TPRG1: variants seen among roughly 807,000 people sequenced by gnomAD.
TPRG1 encodes the protein tumor protein p63 regulated 1.
A neutral mutation model predicts 29.3 loss-of-function variants in TPRG1; 29 were observed. The ratio of observed to expected loss-of-function variants is 0.99; its 90% CI spans 0.74 to 1.35. The LOEUF is 1.35. Among genes scored for constraint, TPRG1 ranks in the 40% most tolerant of loss-of-function variants. The probability of loss-of-function intolerance (pLI) is 0.00; values close to 1 mark genes in which losing one functional copy is unlikely to be tolerated. For synonymous variants in TPRG1, 130 were observed against 116.8 expected, an observed-to-expected ratio of 1.11 and a Z score of -0.73; for missense variants, 327 against 335.0, an observed-to-expected ratio of 0.98 and a Z score of 0.19.
rs186691223 is a variant in TPRG1 at position 189,256,460 on chromosome 3, G to A, written c.479+17551G>A. ...GATTTTAGAATAAATGCTAAGTGGT[G>A]CTGAGAAGAATGTATATACTGTTGA... On this transcript the variant is annotated intron_variant, in intron 4 of 5. Coordinates refer to ENST00000345063, the MANE Select transcript of TPRG1 (RefSeq NM_198485.4). Among the ~76,000 whole-genome samples, 103 of 152,266 alleles carry A rather than the reference G, an allele frequency of 6.8e-4. 1 individual carries two copies. Among genetic ancestry groups the A allele is most frequent in the African/African-American group, 2.4e-3 (100 of 41,550 alleles).
chr3:189,283,800 C>T (rs1360983490), intron 4 of TPRG1, among the ~76,000 whole-genome samples: 3 of 152,114 alleles, frequency 2.0e-5, no homozygotes, highest in South Asian at 2.1e-4. Flanking sequence ...ACGTGAGGCA[C>T]GAGGAGACTA....
chr3:189,027,359 G>C (rs1409601366), intron 4 of TPRG1, among the ~76,000 whole-genome samples: 2 of 152,188 alleles, frequency 1.3e-5, no homozygotes, highest in African/African-American at 4.8e-5. Context: ...GCTTCTAAAA[G>C]ATGCAGCTGT....
At chr3:189,157,687 A>G (rs1248581746) in intron 5 of TPRG1, among the ~76,000 whole-genome samples, 3 of 152,168 alleles carry the variant, frequency 2.0e-5, no homozygotes, top group South Asian at 4.1e-4. Context: ...GGAAGTTTCC[A>G]TGAAAATAAA....
At chr3:189,218,218 A>G (rs1736374499) in intron 3 of TPRG1, among the ~76,000 whole-genome samples, 1 of 151,762 alleles carries the variant, frequency 6.6e-6, no homozygotes, top group Non-Finnish European at 1.5e-5. Flanking sequence ...GGTTCACACC[A>G]TTCTCCTGCC....
intron 4 of TPRG1, among the ~76,000 whole-genome samples, chr3:189,079,261 A>C (rs1056387685): frequency 6.6e-5 from 10 of 152,150 alleles, no homozygotes; most frequent in African/African-American, 2.2e-4. Context: ...ATCTGCCCAC[A>C]TGACCCCGAC....
At chr3:189,082,608 G>T (rs186977099) in intron 4 of TPRG1, among the ~76,000 whole-genome samples, 7 of 152,228 alleles carry the variant, frequency 4.6e-5, no homozygotes, top group African/African-American at 1.7e-4. Context: ...TTACACTTGA[G>T]CAACCGAGAC....
At chr3:189,035,698 G>A (rs564023216) in intron 4 of TPRG1, among the ~76,000 whole-genome samples, 1 of 152,174 alleles carries the variant, frequency 6.6e-6, no homozygotes, top group South Asian at 2.1e-4. Context: ...ATTCATTAGA[G>A]TGAATCAAAA....
At chr3:189,187,904 G>C (rs929434064) in intron 1 of TPRG1, among the ~76,000 whole-genome samples, 2 of 152,150 alleles carry the variant, frequency 1.3e-5, no homozygotes, top group Non-Finnish European at 2.9e-5. Flanking sequence ...TTGTGTCTTT[G>C]AGTTGTAGTG....
At chr3:189,165,361 T>A (rs1021978258) in intron 5 of TPRG1, among the ~76,000 whole-genome samples, 1 of 144,276 alleles carries the variant, frequency 6.9e-6, no homozygotes, top group African/African-American at 2.5e-5. Context: ...TTTTGTACAG[T>A]CTATTCTGGG....
At chr3:189,313,688 C>A (rs1012924782) in intron 5 of TPRG1, among the ~76,000 whole-genome samples, 2 of 152,078 alleles carry the variant, frequency 1.3e-5, no homozygotes, top group Non-Finnish European at 2.9e-5. Flanking sequence ...TTTTCTAACA[C>A]CAACAAAATG....
chr3:189,160,280 G>C (rs1727296915), intron 5 of TPRG1, among the ~76,000 whole-genome samples: 1 of 152,154 alleles, frequency 6.6e-6, no homozygotes, highest in Admixed American at 6.5e-5. Flanking sequence ...GTGGGAAGAT[G>C]ATCTCACATG....
intron 1 of TPRG1, among the ~76,000 whole-genome samples, chr3:189,119,731 GCTTCCCCTTCTGCCATGGTCGT>G (rs1326382411): frequency 4.6e-5 from 7 of 152,214 alleles, no homozygotes; most frequent in Non-Finnish European, 8.8e-5. Context: ...GGACATGTTT[GCTTCCCCTTCTGCCATGGTCGT>G]AAGTTTCCTG....
At chr3:189,300,770 T>C (rs1720701359) in intron 4 of TPRG1, among the ~76,000 whole-genome samples, 1 of 152,174 alleles carries the variant, frequency 6.6e-6, no homozygotes, top group Non-Finnish European at 1.5e-5. Flanking sequence ...CTGCCAGCAA[T>C]GCCAATAAAT....
At chr3:189,220,279 G>GATAT (rs35296198) in intron 3 of TPRG1, among the ~76,000 whole-genome samples, 58 of 150,294 alleles carry the variant, frequency 3.9e-4, no homozygotes, top group African/African-American at 8.8e-4. Flanking sequence ...TTTAATTTTT[G>GATAT]ATATATATAT....
At chr3:189,223,541 A>T (rs139424222) in intron 3 of TPRG1, among the ~76,000 whole-genome samples, 1 of 152,356 alleles carries the variant, frequency 6.6e-6, no homozygotes, top group East Asian at 1.9e-4. Context: ...GCATTATAAG[A>T]CAGTGAGGGC....
intron 4 of TPRG1, among the ~76,000 whole-genome samples, chr3:189,249,742 T>C (rs1248516888): frequency 6.6e-6 from 1 of 152,102 alleles, no homozygotes; most frequent in African/African-American, 2.4e-5. Flanking sequence ...CTTATCTTTT[T>C]TGAGTATTAT....
chr3:189,113,729 G>A (rs1465266781), intron 1 of TPRG1, among the ~76,000 whole-genome samples: 2 of 151,658 alleles, frequency 1.3e-5, no homozygotes, highest in Non-Finnish European at 2.9e-5. Flanking sequence ...GAGAACACAT[G>A]GACACAGGAA....
intron 1 of TPRG1, among the ~76,000 whole-genome samples, chr3:189,108,201 A>T (rs992987188): frequency 6.6e-6 from 1 of 152,084 alleles, no homozygotes; most frequent in Non-Finnish European, 1.5e-5. Flanking sequence ...TGAATCCTGG[A>T]CATCTGGAGA....
Position 189,322,193 on chromosome 3 carries a change from A to T in TPRG1, c.*1373A>T, listed in dbSNP as rs1724381599. On this transcript the variant is annotated 3_prime_UTR_variant, in exon 6 of 6. Coordinates refer to ENST00000345063, the MANE Select transcript of TPRG1 (RefSeq NM_198485.4). ...CATCTTTGTTGATGTTTAAGTTGAA[A>T]TTCCAGCCAACTTTTTTTTGACTTT... 1 of 152,122 alleles carries T rather than the reference A, an allele frequency of 6.6e-6. No individual in the cohort carries two copies. Among genetic ancestry groups the T allele is most frequent in the African/African-American group, 2.4e-5 (1 of 41,442 alleles). The allele number at this position is 152,122 out of a possible 1,614,324, so 9.4% of individuals were successfully genotyped here. A position where few individuals can be genotyped will look rare whatever the true frequency, so the allele number is the denominator to read the frequency against.
Sources: gnomAD v4.1 joint callset for allele counts (sites outside exome capture counted in the v4.1 genomes callset) on GRCh38, gnomAD v4.1.1 for gene constraint, MANE v1.5 for transcripts, NCBI Gene and HGNC (gene_info 2026-07-23, HGNC 2026-07-21) for gene names.